The following PCDHA10 variants were observed in gnomAD, a reference collection of about 807,000 sequenced individuals.
PCDHA10 encodes protocadherin alpha 10, also known as protocadherin alpha-10.
A neutral mutation model predicts 61.2 loss-of-function variants in PCDHA10; 45 were observed. That is an observed-to-expected ratio of 0.74 (90% CI 0.58 to 0.94). The LOEUF is 0.94. Ranked by LOEUF, PCDHA10 falls within the 40% of genes least tolerant of loss-of-function variation. The pLI is 0.00. For missense variants in PCDHA10, 1,278 were observed against 1,236.2 expected, an observed-to-expected ratio of 1.03 and a Z score of -0.51; for synonymous variants, 602 against 548.8, an observed-to-expected ratio of 1.10 and a Z score of -1.35.
chr5:140,877,091 C>A, intron 1 of PCDHA10: 1 of 1,613,252 alleles, frequency 6.2e-7, no homozygotes. Flanking sequence ...GCGCGCGACG[C>A]CGGCGTGCCG....
intron 2 of PCDHA10, 73 bp downstream of exon 2, chr5:140,979,080 A>T: frequency 1.3e-6 from 2 of 1,572,720 alleles, no homozygotes; most frequent in Non-Finnish European, 1.7e-6. Context: ...GCATCTCCAT[A>T]GGCCAGAAGC....
At chr5:140,959,999 A>G (rs564390780) in intron 1 of PCDHA10, among the ~76,000 whole-genome samples, 2 of 152,318 alleles carry the variant, frequency 1.3e-5, no homozygotes, top group African/African-American at 4.8e-5. Flanking sequence ...ATGAAATACA[A>G]ATCTATTTTG....
intron 1 of PCDHA10, among the ~76,000 whole-genome samples, chr5:140,943,086 G>A (rs1384084328): frequency 6.6e-6 from 1 of 151,632 alleles, no homozygotes; most frequent in African/African-American, 2.4e-5. Flanking sequence ...GTGAAATCCT[G>A]CCTCTACTAA....
At chr5:140,942,332 C>T (rs2093271266) in intron 1 of PCDHA10, among the ~76,000 whole-genome samples, 1 of 151,760 alleles carries the variant, frequency 6.6e-6, no homozygotes, top group Non-Finnish European at 1.5e-5. Flanking sequence ...ATCACTTGAA[C>T]CAGAGGGAGG....
intron 1 of PCDHA10, chr5:140,929,943 A>G (rs996777609): frequency 1.3e-5 from 2 of 152,224 alleles, no homozygotes; most frequent in African/African-American, 4.8e-5. Flanking sequence ...TCTCTAGCCT[A>G]TACTTTTAAT....
chr5:141,008,400 T>A (rs1347375750), intron 3 of PCDHA10, among the ~76,000 whole-genome samples: 3 of 152,082 alleles, frequency 2.0e-5, no homozygotes, highest in African/African-American at 7.2e-5. Context: ...GATGTCAGAG[T>A]TCCAATGTCA....
chr5:140,901,899 T>C (rs1439841120), intron 1 of PCDHA10, among the ~76,000 whole-genome samples: 2 of 152,152 alleles, frequency 1.3e-5, no homozygotes, highest in Non-Finnish European at 2.9e-5. Flanking sequence ...ATATTTTTCA[T>C]TGTGGAGATC....
At chr5:141,005,437 C>T (rs1469007749) in intron 3 of PCDHA10, among the ~76,000 whole-genome samples, 4 of 152,092 alleles carry the variant, frequency 2.6e-5, no homozygotes, top group African/African-American at 7.2e-5. Context: ...GGATGAGAGG[C>T]TCACGCCTGT....
intron 3 of PCDHA10, among the ~76,000 whole-genome samples, chr5:140,994,812 A>G (rs565084284): frequency 6.6e-5 from 10 of 152,328 alleles, no homozygotes; most frequent in African/African-American, 2.2e-4. Flanking sequence ...CAAAATACAA[A>G]AAACTGAATT....
intron 3 of PCDHA10, among the ~76,000 whole-genome samples, chr5:141,008,057 C>T (rs1472919496): frequency 3.9e-5 from 6 of 152,020 alleles, no homozygotes; most frequent in African/African-American, 1.2e-4. Context: ...GGGGTCCAGT[C>T]CATCTAAGAA....
At chr5:140,899,032 A>G (rs1377878756) in intron 1 of PCDHA10, among the ~76,000 whole-genome samples, 2 of 151,890 alleles carry the variant, frequency 1.3e-5, no homozygotes, top group African/African-American at 4.8e-5. Context: ...ATTTTTGTAC[A>G]TTGATTTTGT....
chr5:140,977,925 A>T (rs782072280), intron 1 of PCDHA10, among the ~76,000 whole-genome samples: 4 of 152,152 alleles, frequency 2.6e-5, no homozygotes, highest in African/African-American at 7.2e-5. Context: ...TTTTCATTCA[A>T]CTATACCTCA....
chr5:141,009,880 C>T lies in PCDHA10; in HGVS notation c.2790C>T (p.Asn930=). ...AAAAGAAGAAAAAGAAGAAGGGTAACAAGACCCAGGAGAAAAAAGAGAAAG... is the reference window on the plus strand; with the variant it reads ...AAAAGAAGAAAAAGAAGAAGGGTAATAAGACCCAGGAGAAAAAAGAGAAAG... The part of the protein sequence containing the change: ...TKKKKKKKKG[N]KTQEKKEKGN... Residue 930 remains asparagine, a synonymous_variant, in exon 4 of 4, where the codon AAC becomes AAT. Transcript: ENST00000307360. 1 of 1,613,788 alleles carries T rather than the reference C, an allele frequency of 6.2e-7. No individual in the cohort carries two copies. The highest frequency in any genetic ancestry group is 8.5e-7 in the Non-Finnish European group (1 of 1,179,974).
intron 1 of PCDHA10, among the ~76,000 whole-genome samples, chr5:140,953,372 A>G (rs1472097697): frequency 6.6e-6 from 1 of 151,982 alleles, no homozygotes; most frequent in Non-Finnish European, 1.5e-5. Flanking sequence ...AGGATTCTCT[A>G]CCCCTCTCAG....
chr5:140,883,555 C>T, intron 1 of PCDHA10: 3 of 1,614,168 alleles, frequency 1.9e-6, no homozygotes, highest in Non-Finnish European at 2.5e-6. Context: ...CCGCGCGGGA[C>T]GGGGGCTCGC....
rs199976895 is a variant in PCDHA10 at position 140,968,276 on chromosome 5, G to T, written c.2389-10673G>T. The T allele has an allele frequency of 9.2e-5, 148 of 1,613,952 alleles. No homozygotes were observed. Among genetic ancestry groups the T allele is most frequent in the Admixed American group, 5.5e-4 (33 of 60,008 alleles). On this transcript the variant is annotated intron_variant, in intron 1 of 3. Transcript: ENST00000307360. ...CCCAGATGAAAAGGAGAATGCAGAGGTGACCTACTCCCTTCTGGAGAGGGA... is the reference window on the plus strand; with the variant it reads ...CCCAGATGAAAAGGAGAATGCAGAGTTGACCTACTCCCTTCTGGAGAGGGA...
At chr5:140,888,443 A>C (rs1374471673) in intron 1 of PCDHA10, among the ~76,000 whole-genome samples, 2 of 152,172 alleles carry the variant, frequency 1.3e-5, no homozygotes, top group Non-Finnish European at 2.9e-5. Context: ...GCCGCCCAAC[A>C]ATAAAGAATT....
At chr5:140,881,393 A>T (rs1216651655) in intron 1 of PCDHA10, 1 of 979,528 alleles carries the variant, frequency 1.0e-6, no homozygotes, top group African/African-American at 1.8e-5. Context: ...GGTAAGTTAA[A>T]TTCTATTAAA....
In PCDHA10 at chr5:140,857,366, G is replaced by A; in HGVS notation, c.1318G>A (p.Val440Met). The change falls in exon 1 of 4, where the codon GTG (valine) becomes ATG (methionine). Residue 440 changes from valine (V) to methionine (M), a missense_variant. By Grantham distance (21) the Val-to-Met change is conservative. Coordinates refer to ENST00000307360, the MANE Select transcript of PCDHA10 (RefSeq NM_018901.4). ...GSPPLWATASVSVEVADVNDN... is the reference protein window; with the variant it reads ...GSPPLWATASMSVEVADVNDN... Reference sequence around the variant, plus strand: ...GCCTCCGCTGTGGGCCACGGCCAGCGTGTCTGTGGAGGTGGCCGACGTGAA... The same window carrying A: ...GCCTCCGCTGTGGGCCACGGCCAGCATGTCTGTGGAGGTGGCCGACGTGAA... The A allele has an allele frequency of 6.3e-7, 1 of 1,598,350 alleles. No homozygotes were observed. The highest frequency in any genetic ancestry group is 8.6e-7 in the Non-Finnish European group (1 of 1,167,770).
Sources: allele counts gnomAD v4.1 joint callset (sites outside exome capture counted in the v4.1 genomes callset), GRCh38; gene constraint gnomAD v4.1.1; transcripts MANE v1.5; gene names NCBI Gene and HGNC (gene_info 2026-07-23, HGNC 2026-07-21).